The following CACNA1C variants were observed in gnomAD, a reference collection of about 807,000 sequenced individuals.
The protein encoded by CACNA1C is voltage-dependent L-type calcium channel subunit alpha-1C.
Under a neutral mutation model 229.0 loss-of-function variants are expected in CACNA1C, and 30 were observed. The observed-to-expected ratio is 0.13, with a 90% CI of 0.10 to 0.18. The LOEUF (loss-of-function observed/expected upper bound fraction) is 0.18, where lower values mean the gene tolerates loss of function less well. Ranked by LOEUF, CACNA1C falls within the 10% of genes least tolerant of loss-of-function variation. The probability of loss-of-function intolerance (pLI) is 1.00; values close to 1 mark genes in which losing one functional copy is unlikely to be tolerated. For missense variants in CACNA1C, 1,658 were observed against 2,845.0 expected, an observed-to-expected ratio of 0.58 and a Z score of 9.49; for synonymous variants, 1,114 against 1,132.5, an observed-to-expected ratio of 0.98 and a Z score of 0.33.
chr12:2,288,643 C>T (rs920307453), intron 3 of CACNA1C: 2 of 152,238 alleles, frequency 1.3e-5, no homozygotes, highest in Admixed American at 1.3e-4. Context: ...GGGTCTGTGC[C>T]TCCCTTCTGT....
intron 3 of CACNA1C, among the ~76,000 whole-genome samples, chr12:2,340,294 G>A (rs2096825892): frequency 6.6e-6 from 1 of 152,056 alleles, no homozygotes; most frequent in Admixed American, 6.5e-5. Flanking sequence ...TATGTTTTTT[G>A]CTTTATTTTG....
chr12:2,041,318 C>A (rs1265930366), intron 1 of CACNA1C, among the ~76,000 whole-genome samples: 3 of 134,034 alleles, frequency 2.2e-5, no homozygotes, highest in Non-Finnish European at 4.6e-5. Flanking sequence ...GCTGTTTCGC[C>A]CAGGCCAGAG....
Position 2,606,999 on chromosome 12 carries a change from G to A in CACNA1C, c.3225G>A (p.Thr1075=), listed in dbSNP as rs1229921966. ...CCTCTCTCAGGGGCAACTACATCAC[G>A]TACAAAGACGGGGAGGTTGACCACC... ...TEAECKGNYI[T]YKDGEVDHPI... Residue 1075 remains threonine (T), a synonymous_variant, in exon 26 of 47, where the codon ACG becomes ACA. Coordinates refer to ENST00000399655, the MANE Select transcript of CACNA1C (RefSeq NM_000719.7). 7 of 1,613,850 alleles carry A rather than the reference G, an allele frequency of 4.3e-6. No individual in the cohort carries two copies. The highest frequency in any genetic ancestry group is 2.2e-5 in the East Asian group (1 of 44,892).
intron 3 of CACNA1C, among the ~76,000 whole-genome samples, chr12:2,198,505 G>A (rs150527598): frequency 1.3e-5 from 2 of 152,290 alleles, no homozygotes; most frequent in East Asian, 1.9e-4. Context: ...ATCTCCGTGC[G>A]GCACCATGTT....
chr12:2,274,584 CG>C (rs1439364385), intron 3 of CACNA1C, among the ~76,000 whole-genome samples: 1 of 152,194 alleles, frequency 6.6e-6, no homozygotes, highest in Non-Finnish European at 1.5e-5. Flanking sequence ...CCGACGTGCA[CG>C]GTTTCTAATT....
chr12:2,450,337 G>T (rs573330180), intron 4 of CACNA1C, among the ~76,000 whole-genome samples: 1 of 151,832 alleles, frequency 6.6e-6, no homozygotes, highest in Non-Finnish European at 1.5e-5. Flanking sequence ...GGCGGATCAC[G>T]AGGTCAGGAG....
intron 13 of CACNA1C, among the ~76,000 whole-genome samples, chr12:2,573,196 A>G (rs987436869): frequency 6.6e-6 from 1 of 152,140 alleles, no homozygotes; most frequent in African/African-American, 2.4e-5. Context: ...CTGGGACTAT[A>G]AGTGCCATGT....
At chr12:2,143,106 G>C (rs1428919250) in intron 3 of CACNA1C, among the ~76,000 whole-genome samples, 2 of 150,896 alleles carry the variant, frequency 1.3e-5, no homozygotes, top group African/African-American at 4.8e-5. Flanking sequence ...CTCTCGAGTA[G>C]CTGAGATTAC....
intron 3 of CACNA1C, among the ~76,000 whole-genome samples, chr12:2,295,937 G>A (rs986150338): frequency 1.3e-4 from 20 of 152,290 alleles, no homozygotes; most frequent in East Asian, 5.8e-4. Flanking sequence ...TTGTGACCAC[G>A]TTGCTTCCTT....
chr12:2,273,335 A>AAAAG (rs1406655332), intron 3 of CACNA1C, among the ~76,000 whole-genome samples: 116 of 152,274 alleles, frequency 7.6e-4, no homozygotes, highest in African/African-American at 2.8e-3. Flanking sequence ...TTTTCTTTTC[A>AAAAG]AATATTTTCT....
intron 1 of CACNA1C, chr12:1,998,070 C>A (rs1054629918): frequency 9.5e-7 from 1 of 1,052,388 alleles, no homozygotes; most frequent in Non-Finnish European, 1.4e-6. Context: ...TTATATATAA[C>A]TTCAATGGGC....
At chr12:2,583,022 A>AGGTCCGGGC in intron 15 of CACNA1C, 80 bp downstream of exon 15, 1 of 1,035,526 alleles carries the variant, frequency 9.7e-7, no homozygotes, top group Middle Eastern at 3.0e-4. Flanking sequence ...CACGCCCCTC[A>AGGTCCGGGC]GGTCCGGGCG....
intron 13 of CACNA1C, among the ~76,000 whole-genome samples, chr12:2,576,785 C>T (rs2058567221): frequency 6.6e-6 from 1 of 152,096 alleles, no homozygotes; most frequent in South Asian, 2.1e-4. Flanking sequence ...CAAAGGCTGC[C>T]ACCTGGACAC....
chr12:2,659,225 C>T (rs190751883), intron 34 of CACNA1C, among the ~76,000 whole-genome samples: 1 of 152,234 alleles, frequency 6.6e-6, no homozygotes, highest in Admixed American at 6.5e-5. Context: ...TCTACAGGTG[C>T]ACCGTATTTA....
rs534201767 is a variant in CACNA1C, at chr12:2,296,960, G to A, written c.478-152016G>A. On this transcript the variant is annotated intron_variant, in intron 3 of 46. Coordinates refer to ENST00000399655, the MANE Select transcript of CACNA1C (RefSeq NM_000719.7). ...CATATACATCCACAGAGATGACTGA[G>A]GAAACAGAGAAGAGCTTAGAAAGCC... Among the ~76,000 whole-genome samples the A allele has an allele frequency of 9.2e-5, 14 of 152,318 alleles. No individual in the cohort carries two copies. In the South Asian group the frequency reaches 2.5e-3, roughly 27 times the overall value.
intron 37 of CACNA1C, chr12:2,668,607 T>G: frequency 3.8e-6 from 1 of 263,454 alleles, no homozygotes; most frequent in Non-Finnish European, 7.3e-6. Context: ...TTCCAATCAA[T>G]CATGGTGGAA....
chr12:2,332,017 G>C (rs1468648304), intron 3 of CACNA1C, among the ~76,000 whole-genome samples: 1 of 152,180 alleles, frequency 6.6e-6, no homozygotes, highest in Admixed American at 6.5e-5. Context: ...AAGGCCTACA[G>C]ATTAGTTACA....
chr12:2,233,355 A>T (rs946059138), intron 3 of CACNA1C, among the ~76,000 whole-genome samples: 1 of 152,226 alleles, frequency 6.6e-6, no homozygotes, highest in African/African-American at 2.4e-5. Flanking sequence ...TATGTCTTGC[A>T]TGTACACTGT....
intron 9 of CACNA1C, among the ~76,000 whole-genome samples, chr12:2,524,021 G>A (rs1234588613): frequency 6.6e-6 from 1 of 152,212 alleles, no homozygotes; most frequent in Non-Finnish European, 1.5e-5. Context: ...ACTACTTGCT[G>A]ATGTGGAAAA....
Sources: gnomAD v4.1 joint callset for allele counts (sites outside exome capture counted in the v4.1 genomes callset) on GRCh38, gnomAD v4.1.1 for gene constraint, MANE v1.5 for transcripts, NCBI Gene and HGNC (gene_info 2026-07-23, HGNC 2026-07-21) for gene names.